The following MOCS1 variants were observed in gnomAD, a reference collection of about 807,000 sequenced individuals.
MOCS1 encodes molybdenum cofactor biosynthesis protein 1.
In MOCS1, 39 loss-of-function variants were observed where a neutral mutation model predicts 57.6. That is an observed-to-expected ratio of 0.68 (90% CI 0.52 to 0.88). The LOEUF (loss-of-function observed/expected upper bound fraction) is 0.88, where lower values mean the gene tolerates loss of function less well. Ranked by LOEUF, MOCS1 falls within the 40% of genes least tolerant of loss-of-function variation. The pLI, the probability that MOCS1 is intolerant of heterozygous loss-of-function variation, is 0.00. For missense variants in MOCS1, 795 were observed against 831.1 expected, an observed-to-expected ratio of 0.96 and a Z score of 0.53; for synonymous variants, 334 against 335.7, an observed-to-expected ratio of 1.00 and a Z score of 0.05.
In MOCS1 at chr6:39,909,056, G is replaced by C; in HGVS notation, c.1149C>G (p.Ile383Met). The C allele has an allele frequency of 1.2e-6, 2 of 1,611,898 alleles. No individual in the cohort carries two copies. Among genetic ancestry groups the C allele is most frequent in the Non-Finnish European group, 1.7e-6 (2 of 1,179,168 alleles). ...GTTACGTACTGATGGGTCACCCACC[G>C]ATGAGGATCATGGGCCGGTTCTTCA... ...SQMKNRPMILIELFLMFPNSP... is the reference protein window; with the variant it reads ...SQMKNRPMILMELFLMFPNSP... Residue 383 changes from isoleucine to methionine, a missense_variant and splice_region_variant, in exon 10 of 11, where the codon ATC becomes ATG. Physicochemically the swap from Ile to Met is conservative, Grantham distance 10. This residue lies in a region of MOCS1 where 374 missense variants were observed against 422.6 expected (regional missense o/e 0.89). Transcript: ENST00000340692.
At chr6:39,920,837 G>C (rs111796804) in intron 3 of MOCS1, among the ~76,000 whole-genome samples, 1 of 151,962 alleles carries the variant, frequency 6.6e-6, no homozygotes. Context: ...AAATTAGCTG[G>C]GTGTGGTGGT....
At position 39,905,115 on chromosome 6, in the gene MOCS1, G is replaced by A; in HGVS notation, c.*1242C>T. Reference sequence around the variant, plus strand: ...ACACCTTGGCATAGGGCAGAGGGGAGGCAGGCAGGGGGCACCACTGAGGAC... The same window carrying A: ...ACACCTTGGCATAGGGCAGAGGGGAAGCAGGCAGGGGGCACCACTGAGGAC... On this transcript the variant is annotated 3_prime_UTR_variant, in exon 11 of 11. Transcript: ENST00000340692. 1 of 454,598 alleles carries A rather than the reference G, an allele frequency of 2.2e-6. No individual in the cohort carries two copies. The highest frequency in any genetic ancestry group is 1.6e-5 in the South Asian group (1 of 64,478). The allele number at this position is 454,598 out of a possible 1,614,324, so 28.2% of individuals were successfully genotyped here. A position where few individuals can be genotyped will look rare whatever the true frequency, so the allele number is the denominator to read the frequency against.
rs776526347 is a variant in MOCS1, at chr6:39,913,313, TG to T, written c.757+3del. On this transcript the variant is annotated splice_donor_region_variant and intron_variant, in intron 6 of 10. Coordinates refer to ENST00000340692, the MANE Select transcript of MOCS1 (RefSeq NM_001358530.2). ...CCTCCCTCAACCCATCCCTGGTCACTGACCATCAAAGGGCATATACTCTATG... is the reference window on the plus strand; with the variant it reads ...CCTCCCTCAACCCATCCCTGGTCACTACCATCAAAGGGCATATACTCTATG... 6.2e-7 allele frequency: 1 copy of T among 1,613,158 alleles called. No individual in the cohort carries two copies. Among genetic ancestry groups the T allele is most frequent in the African/African-American group, 1.3e-5 (1 of 75,034 alleles).
intron 5 of MOCS1, 50 bp downstream of exon 5, chr6:39,913,724 A>G: frequency 6.3e-7 from 1 of 1,596,664 alleles, no homozygotes; most frequent in Non-Finnish European, 8.6e-7. Flanking sequence ...GGGGAAGGCC[A>G]GGGCAGTGTG....
Position 39,904,789 on chromosome 6 carries a change from A to G in MOCS1, c.*1568T>C, listed in dbSNP as rs1445292424. The G allele has an allele frequency of 6.6e-6, 3 of 453,986 alleles. No individual in the cohort carries two copies. Among genetic ancestry groups the G allele is most frequent in the Non-Finnish European group, 1.3e-5 (3 of 226,796 alleles). The allele number at this position is 453,986 out of a possible 1,614,324, so 28.1% of individuals were successfully genotyped here. On this transcript the variant is annotated 3_prime_UTR_variant, in exon 11 of 11. Coordinates refer to ENST00000340692, the MANE Select transcript of MOCS1 (RefSeq NM_001358530.2). ...AATGAGGCTAATGGACATAATCTACAGTGTCCTTTTTCACTTGCACCTTTT... is the reference window on the plus strand; with the variant it reads ...AATGAGGCTAATGGACATAATCTACGGTGTCCTTTTTCACTTGCACCTTTT...
intron 3 of MOCS1, among the ~76,000 whole-genome samples, chr6:39,923,476 G>A (rs1384446092): frequency 6.6e-6 from 1 of 152,234 alleles, no homozygotes; most frequent in Non-Finnish European, 1.5e-5. Flanking sequence ...GTACCTCCCT[G>A]ACCAGTGAGT....
chr6:39,911,000 G>C (rs1282557386), intron 8 of MOCS1, among the ~76,000 whole-genome samples: 1 of 152,176 alleles, frequency 6.6e-6, no homozygotes. Context: ...AGCCCTTCCT[G>C]GGCCCCAGTG....
At chr6:39,925,878 G>C (rs374123766) in intron 2 of MOCS1, 33 bp from the exon 3 acceptor site, 5 of 1,594,058 alleles carry the variant, frequency 3.1e-6, no homozygotes, top group Non-Finnish European at 4.3e-6. Context: ...TGTGGAGGGA[G>C]GAAAGAGGCA....
chr6:39,915,917 A>C lies in MOCS1; in HGVS notation c.583+151T>G, dbSNP rs13196707. 0.062 allele frequency: 59,808 copies of C among 964,482 alleles called. 2,317 individuals are homozygous for C. Among genetic ancestry groups the C allele is most frequent in the South Asian group, 0.091 (6,311 of 69,030 alleles). The allele number at this position is 964,482 out of a possible 1,614,324, so 59.7% of individuals were successfully genotyped here. ...CCAAAGTCCCTGACATACATTTGGC[A>C]AAGATGAGGGGTGAGAAATAAGTGC... On this transcript the variant is annotated intron_variant, in intron 4 of 10. Transcript: ENST00000340692.
At chr6:39,913,886 C>A (rs1429959123) in intron 4 of MOCS1, 51 bp from the exon 5 acceptor site, 1 of 1,554,232 alleles carries the variant, frequency 6.4e-7, no homozygotes, top group Admixed American at 1.7e-5. Context: ...CTCCTCTTCC[C>A]CCACACCCCC....
intron 1 of MOCS1, among the ~76,000 whole-genome samples, chr6:39,933,548 A>G (rs1025442008): frequency 4.6e-5 from 7 of 152,196 alleles, no homozygotes; most frequent in Non-Finnish European, 7.3e-5. Context: ...AAGAGGTTTC[A>G]CTAAATGAAA....
At chr6:39,914,114 T>G (rs1767517251) in intron 4 of MOCS1, among the ~76,000 whole-genome samples, 3 of 152,260 alleles carry the variant, frequency 2.0e-5, no homozygotes, top group Admixed American at 2.0e-4. Flanking sequence ...ATGCGATTCT[T>G]TTTGCAGGGA....
chr6:39,909,706 G>C, intron 9 of MOCS1, 129 bp downstream of exon 9: 1 of 1,265,432 alleles, frequency 7.9e-7, no homozygotes, highest in Non-Finnish European at 1.1e-6. Context: ...GTGGTAGTGG[G>C]GATGATGCTG....
intron 1 of MOCS1, among the ~76,000 whole-genome samples, chr6:39,928,092 A>C (rs1172927460): frequency 6.6e-6 from 1 of 151,910 alleles, no homozygotes; most frequent in Non-Finnish European, 1.5e-5. Context: ...GATTATTATA[A>C]CTAAGGCTTG....
At chr6:39,932,639 T>C (rs1452647188) in intron 1 of MOCS1, among the ~76,000 whole-genome samples, 1 of 152,102 alleles carries the variant, frequency 6.6e-6, no homozygotes, top group Non-Finnish European at 1.5e-5. Flanking sequence ...ATAATCCTAA[T>C]GAGATGTCCA....
rs146849119 is a variant in MOCS1, at chr6:39,906,524, G to A, written c.1744C>T (p.Arg582Trp). The change falls in exon 11 of 11, where the codon CGG becomes TGG. Residue 582 changes from arginine to tryptophan, a missense_variant. Physicochemically the swap from Arg to Trp is moderately radical, Grantham distance 101. This residue lies in a region of MOCS1 where 374 missense variants were observed against 422.6 expected (regional missense o/e 0.89). Coordinates refer to ENST00000340692, the MANE Select transcript of MOCS1 (RefSeq NM_001358530.2). ...TCCACCCCGGTGGGGCCCCGAGCCC[G>A]GCAAGATGCCTGGATCTTCACGGCA... ...RHAVKIQASC[R>W]ARGPTGVEME... 1.1e-4 allele frequency: 180 copies of A among 1,613,860 alleles called. No homozygotes were observed. The African/African-American group carries it at 1.9e-3, about 17-fold the overall frequency.
At position 39,904,274 on chromosome 6, in the gene MOCS1, A is replaced by G. The variant is rs1351838522; in HGVS notation, c.*2083T>C. 3 of 456,626 alleles carry G rather than the reference A, an allele frequency of 6.6e-6. No individual in the cohort carries two copies. Among genetic ancestry groups the G allele is most frequent in the East Asian group, 6.9e-5 (1 of 14,410 alleles). 28.3% of individuals were successfully genotyped at this position (456,626 alleles called of 1,614,324 possible). A position where few individuals can be genotyped will look rare whatever the true frequency, so the allele number is the denominator to read the frequency against. On this transcript the variant is annotated 3_prime_UTR_variant, in exon 11 of 11. Coordinates refer to ENST00000340692, the MANE Select transcript of MOCS1 (RefSeq NM_001358530.2). ...TCAGCCTTCTCACTCTAAAAGAAAG[A>G]TATTTTTCTATTTATTTTCTACATC...
rs571736221 is a variant in MOCS1, at chr6:39,904,536, TAACA to T, written c.*1817_*1820del. 832 of 454,170 alleles carry T rather than the reference TAACA, an allele frequency of 1.8e-3. 4 individuals are homozygous for T. The highest frequency in any genetic ancestry group is 0.012 in the African/African-American group (612 of 50,084). The allele number at this position is 454,170 out of a possible 1,614,324, so 28.1% of individuals were successfully genotyped here. ...GCCAATGTAAAATTCGTCATCAACC[TAACA>T]AACACAACCTTCTCAGCAGCATTTC... is the stretch of plus-strand genomic sequence containing the variant. On this transcript the variant is annotated 3_prime_UTR_variant, in exon 11 of 11. Coordinates refer to ENST00000340692, the MANE Select transcript of MOCS1 (RefSeq NM_001358530.2).
Position 39,906,802 on chromosome 6 carries a change from C to T in MOCS1, c.1466G>A (p.Gly489Glu), listed in dbSNP as rs777088258. The part of the protein sequence containing the change: ...SEQLTHVDSE[G>E]RAAMVDVGRK... ...GCCCACATCTACCATAGCTGCCCGT[C>T]CTTCCGAGTCCACATGAGTTAGTTG... Residue 489 changes from glycine to glutamate, a missense_variant, in exon 11 of 11, where the codon GGA becomes GAA. Gly to Glu is a moderately conservative substitution (Grantham distance 98). Around this residue, in one of 3 missense-constraint regions of MOCS1, gnomAD observed 374 missense variants for 422.6 expected, o/e 0.89. Coordinates refer to ENST00000340692, the MANE Select transcript of MOCS1 (RefSeq NM_001358530.2). 1.9e-6 allele frequency: 3 copies of T among 1,614,216 alleles called. No individual in the cohort carries two copies. Among genetic ancestry groups the T allele is most frequent in the African/African-American group, 1.3e-5 (1 of 75,076 alleles).
Sources: allele counts gnomAD v4.1 joint callset (sites outside exome capture counted in the v4.1 genomes callset), GRCh38; gene constraint gnomAD v4.1.1; regional missense constraint gnomAD v4.1.1; transcripts MANE v1.5; gene names NCBI Gene and HGNC (gene_info 2026-07-23, HGNC 2026-07-21).